SLC16A12: variants seen among roughly 807,000 people sequenced by gnomAD.
SLC16A12 encodes the protein monocarboxylate transporter 12.
A neutral mutation model predicts 42.4 loss-of-function variants in SLC16A12; 17 were observed. The observed-to-expected ratio is 0.40, with a 90% CI of 0.27 to 0.60. SLC16A12 has a LOEUF of 0.60. Among genes scored for constraint, SLC16A12 ranks in the 20% least tolerant of loss-of-function variants. SLC16A12 has a pLI of 0.42. For missense variants in SLC16A12, 544 were observed against 623.0 expected (o/e 0.87, Z 1.35); for synonymous variants, 224 against 229.4 (o/e 0.98, Z 0.21).
chr10:89,445,729 C>T lies in SLC16A12; in HGVS notation c.201-1870G>A, dbSNP rs538752016. 8.0e-4 allele frequency among the ~76,000 whole-genome samples: 121 copies of T among 152,180 alleles called. 1 individual carries two copies. Among genetic ancestry groups the T allele is most frequent in the African/African-American group, 2.8e-3 (118 of 41,490 alleles). On this transcript the variant is annotated intron_variant, in intron 3 of 7. Transcript: ENST00000371790. ...AAGGATCACAGCTCCTCACCGGCGA[C>T]AGAACAAAGCTGGACGGATAATGAC...
chr10:89,541,512 T>G (rs767932844), intron 2 of SLC16A12, among the ~76,000 whole-genome samples: 2 of 152,164 alleles, frequency 1.3e-5, no homozygotes, highest in Non-Finnish European at 2.9e-5. Context: ...TAGGAGGATC[T>G]CTTGAGCACA....
chr10:89,495,056 C>T (rs992930618), intron 2 of SLC16A12, among the ~76,000 whole-genome samples: 3 of 152,106 alleles, frequency 2.0e-5, no homozygotes, highest in African/African-American at 7.2e-5. Flanking sequence ...ACTCTAAAAA[C>T]ACTAGGAACT....
intron 2 of SLC16A12, among the ~76,000 whole-genome samples, chr10:89,509,730 G>C (rs2133836027): frequency 6.6e-6 from 1 of 152,314 alleles, no homozygotes; most frequent in East Asian, 1.9e-4. Flanking sequence ...AGTATTGGAA[G>C]TTCTGCCCAG....
intron 3 of SLC16A12, among the ~76,000 whole-genome samples, chr10:89,451,417 CT>C (rs954195100): frequency 8.8e-5 from 13 of 147,406 alleles, no homozygotes; most frequent in Non-Finnish European, 1.1e-4. Context: ...ACTGACTGAA[CT>C]TTTTTTTTTT....
intron 3 of SLC16A12, among the ~76,000 whole-genome samples, chr10:89,460,473 C>T (rs897623367): frequency 1.7e-4 from 19 of 111,096 alleles, no homozygotes; most frequent in Admixed American, 7.2e-4. Context: ...GTCTGTAATC[C>T]CAGCACTTTG....
At chr10:89,555,583 A>G (rs969374675) in intron 2 of SLC16A12, among the ~76,000 whole-genome samples, 2 of 145,046 alleles carry the variant, frequency 1.4e-5, no homozygotes, top group Non-Finnish European at 3.0e-5. Flanking sequence ...GTATATGTAT[A>G]TATGTATATA....
intron 2 of SLC16A12, among the ~76,000 whole-genome samples, chr10:89,519,577 G>A (rs986683187): frequency 6.6e-6 from 1 of 151,940 alleles, no homozygotes; most frequent in Non-Finnish European, 1.5e-5. Flanking sequence ...CTCTTGAGAG[G>A]GAACTCACAC....
chr10:89,532,611 G>T (rs1843573472), intron 2 of SLC16A12, among the ~76,000 whole-genome samples: 1 of 152,134 alleles, frequency 6.6e-6, no homozygotes, highest in Admixed American at 6.6e-5. Context: ...CAAAGCAACT[G>T]GTTAGGTGAG....
intron 2 of SLC16A12, among the ~76,000 whole-genome samples, chr10:89,528,027 TATA>T (rs955274717): frequency 1.8e-4 from 27 of 152,222 alleles, no homozygotes; most frequent in Admixed American, 5.2e-4. Context: ...AAGAGTCCTA[TATA>T]ATATCTTTCT....
chr10:89,459,239 G>A (rs1391163117), intron 3 of SLC16A12, among the ~76,000 whole-genome samples: 5 of 152,000 alleles, frequency 3.3e-5, no homozygotes, highest in African/African-American at 9.7e-5. Context: ...ACTTCGCATC[G>A]CTGATATGAC....
At chr10:89,459,968 A>T (rs917194672) in intron 3 of SLC16A12, among the ~76,000 whole-genome samples, 1 of 152,184 alleles carries the variant, frequency 6.6e-6, no homozygotes, top group African/African-American at 2.4e-5. Context: ...AATGTAGACA[A>T]GTCAATCTTT....
intron 2 of SLC16A12, among the ~76,000 whole-genome samples, chr10:89,521,755 A>C (rs954397700): frequency 6.6e-6 from 1 of 152,176 alleles, no homozygotes; most frequent in Non-Finnish European, 1.5e-5. Flanking sequence ...CTTTTCTTTC[A>C]ATTGTAATCT....
At chr10:89,549,523 GT>G (rs1186648909) in intron 2 of SLC16A12, among the ~76,000 whole-genome samples, 6 of 151,980 alleles carry the variant, frequency 3.9e-5, no homozygotes, top group African/African-American at 1.5e-4. Flanking sequence ...ATCAGTTTTT[GT>G]TTTTGTTTTT....
chr10:89,478,945 C>A lies in SLC16A12; in HGVS notation c.-46-16321G>T, dbSNP rs7909696. On this transcript the variant is annotated intron_variant, in intron 2 of 7. Transcript: ENST00000371790. ...GTAATCCCTTTCACATCTGCCCTCC[C>A]ATCTTAATTTTCCATTGCCTTGTTC... 8.9e-3 allele frequency among the ~76,000 whole-genome samples: 1,351 copies of A among 152,288 alleles called. 23 individuals are homozygous for A. The highest frequency in any genetic ancestry group is 0.031 in the African/African-American group (1,287 of 41,542).
rs903596422 is a variant in SLC16A12 at position 89,462,667 on chromosome 10, T to A, written c.-46-43A>T. 2.0e-6 allele frequency: 3 copies of A among 1,482,182 alleles called. No individual in the cohort carries two copies. In the African/African-American group the frequency reaches 4.3e-5, roughly 21 times the overall value. The allele number at this position is 1,482,182 out of a possible 1,614,324, so 91.8% of individuals were successfully genotyped here. ...GACATATTTATATCTTATTGCTATG[T>A]CCAAAGGTTGATTTTTCTTCACTTG... On this transcript the variant is annotated intron_variant, in intron 2 of 7. Transcript: ENST00000371790.
intron 7 of SLC16A12, among the ~76,000 whole-genome samples, chr10:89,435,623 A>C (rs1841768061): frequency 6.6e-6 from 1 of 152,184 alleles, no homozygotes; most frequent in African/African-American, 2.4e-5. Flanking sequence ...TGAAGAATAG[A>C]GCCCAGTTCC....
intron 2 of SLC16A12, among the ~76,000 whole-genome samples, chr10:89,515,229 G>A (rs749352144): frequency 7.2e-5 from 11 of 152,140 alleles, no homozygotes; most frequent in Non-Finnish European, 1.0e-4. Flanking sequence ...GACCACTTCT[G>A]TAATACATAC....
At chr10:89,533,260 T>C (rs118038444) in intron 2 of SLC16A12, among the ~76,000 whole-genome samples, 1 of 152,090 alleles carries the variant, frequency 6.6e-6, no homozygotes, top group Non-Finnish European at 1.5e-5. Context: ...CCTGCTTAGG[T>C]AAAACTGAAA....
At chr10:89,459,835 G>A (rs1041365051) in intron 3 of SLC16A12, among the ~76,000 whole-genome samples, 10 of 152,150 alleles carry the variant, frequency 6.6e-5, no homozygotes, top group South Asian at 4.1e-4. Flanking sequence ...CATCTATTCA[G>A]GAGGCTGAGA....
Sources: gnomAD v4.1 joint callset for allele counts (sites outside exome capture counted in the v4.1 genomes callset) on GRCh38, gnomAD v4.1.1 for gene constraint, MANE v1.5 for transcripts, NCBI Gene and HGNC (gene_info 2026-07-23, HGNC 2026-07-21) for gene names.